BIRC6: variants seen among roughly 807,000 people sequenced by gnomAD.
BIRC6 encodes the protein dual E2 ubiquitin-conjugating enzyme/E3 ubiquitin-protein ligase BIRC6.
BIRC6 carries 98 observed loss-of-function variants against 503.3 expected under a neutral mutation model. That is an observed-to-expected ratio of 0.19 (90% CI 0.17 to 0.23). The LOEUF is 0.23. Ranked by LOEUF, BIRC6 falls within the 10% of genes least tolerant of loss-of-function variation. The pLI, the probability that BIRC6 is intolerant of heterozygous loss-of-function variation, is 1.00. For synonymous variants in BIRC6, 2,240 were observed against 2,078.7 expected, an observed-to-expected ratio of 1.08 and a Z score of -2.11; for missense variants, 5,360 against 5,806.0, an observed-to-expected ratio of 0.92 and a Z score of 2.50.
At chr2:32,448,737 T>C (rs2046366535) in intron 21 of BIRC6, 58 bp from the exon 22 acceptor site, 2 of 1,530,936 alleles carry the variant, frequency 1.3e-6, no homozygotes, top group Non-Finnish European at 1.8e-6. Flanking sequence ...TAAGTAAAGG[T>C]AATTTGTTAA....
intron 21 of BIRC6, among the ~76,000 whole-genome samples, chr2:32,447,358 T>A (rs1410930355): frequency 4.7e-5 from 6 of 127,046 alleles, no homozygotes; most frequent in African/African-American, 1.2e-4. Context: ...ACCTCCCGGA[T>A]GGGGCGGCTG....
intron 70 of BIRC6, among the ~76,000 whole-genome samples, chr2:32,601,869 G>A (rs543322302): frequency 5.3e-5 from 8 of 152,178 alleles, no homozygotes; most frequent in Non-Finnish European, 5.9e-5. Context: ...GTCTGTTTGC[G>A]TGAGGCTAGA....
chr2:32,588,211 C>T (rs562348574), intron 66 of BIRC6, among the ~76,000 whole-genome samples: 2 of 152,036 alleles, frequency 1.3e-5, no homozygotes, highest in African/African-American at 4.8e-5. Context: ...AAAATCTAGC[C>T]AGGCGTGGTG....
intron 9 of BIRC6, 24 bp from the exon 10 acceptor site, chr2:32,414,745 A>C: frequency 6.4e-7 from 1 of 1,573,012 alleles, no homozygotes; most frequent in Non-Finnish European, 8.7e-7. Flanking sequence ...AAACATATCT[A>C]ATGAATATTG....
Position 32,502,831 on chromosome 2 carries a change from T to G in BIRC6, c.9244T>G (p.Leu3082Val). The G allele has an allele frequency of 1.2e-6, 2 of 1,613,074 alleles. No individual in the cohort carries two copies. Among genetic ancestry groups the G allele is most frequent in the Non-Finnish European group, 1.7e-6 (2 of 1,179,570 alleles). Reference sequence around the variant, plus strand: ...TACTTGCCAGTTATCTGAGCCATTATTGTGGTTCATTTTGAGAGTATTGGA... The same window carrying G: ...TACTTGCCAGTTATCTGAGCCATTAGTGTGGTTCATTTTGAGAGTATTGGA... ...LATCQLSEPL[L>V]WFILRVLDTS... Residue 3082 changes from leucine (L) to valine (V), a missense_variant, in exon 48 of 74, where the codon TTG (leucine) becomes GTG (valine). Leu to Val is a conservative substitution (Grantham distance 32, BLOSUM62 1). Transcript: ENST00000421745.
At chr2:32,577,947 A>C (rs890459111) in intron 66 of BIRC6, among the ~76,000 whole-genome samples, 1 of 152,204 alleles carries the variant, frequency 6.6e-6, no homozygotes, top group Non-Finnish European at 1.5e-5. Context: ...AGTGTTCGTA[A>C]AGCTCATTTC....
intron 1 of BIRC6, among the ~76,000 whole-genome samples, chr2:32,360,914 A>G (rs1186773541): frequency 6.6e-6 from 1 of 151,574 alleles, no homozygotes; most frequent in Non-Finnish European, 1.5e-5. Flanking sequence ...GTGTATGTAT[A>G]TATTTATTTA....
At chr2:32,398,408 C>T (rs909879551) in intron 6 of BIRC6, among the ~76,000 whole-genome samples, 5 of 152,180 alleles carry the variant, frequency 3.3e-5, no homozygotes, top group African/African-American at 1.2e-4. Flanking sequence ...CAGTAACTTT[C>T]AGATATGTTA....
chr2:32,525,013 G>A lies in BIRC6; in HGVS notation c.11749G>A (p.Ala3917Thr). Residue 3917 changes from alanine (A) to threonine (T), a missense_variant, in exon 58 of 74, where the codon GCC (alanine) becomes ACC (threonine). This residue lies in a region of BIRC6 where 878 missense variants were observed against 928.9 expected (regional missense o/e 0.95). Transcript: ENST00000421745. ...TCAAGACAATTACAGTGTTGTTGTTGCCTCTGGTATGCTTTCTATTTTTTA... is the reference window on the plus strand; with the variant it reads ...TCAAGACAATTACAGTGTTGTTGTTACCTCTGGTATGCTTTCTATTTTTTA... The part of the protein sequence containing the change: ...GFQDNYSVVV[A>T]SGLKSQSKRA... 1 of 1,543,238 alleles carries A rather than the reference G, an allele frequency of 6.5e-7. No homozygotes were observed. Among genetic ancestry groups the A allele is most frequent in the Non-Finnish European group, 8.7e-7 (1 of 1,151,270 alleles).
At chr2:32,611,947 C>A (rs1377135582) in intron 73 of BIRC6, among the ~76,000 whole-genome samples, 1 of 152,182 alleles carries the variant, frequency 6.6e-6, no homozygotes, top group Non-Finnish European at 1.5e-5. Flanking sequence ...GGCATCATGA[C>A]TCTCTGTAAC....
At chr2:32,555,300 G>C (rs1195531521) in intron 65 of BIRC6, among the ~76,000 whole-genome samples, 1 of 151,988 alleles carries the variant, frequency 6.6e-6, no homozygotes, top group Non-Finnish European at 1.5e-5. Flanking sequence ...TTATGCCCAC[G>C]AGTTTGAGAT....
Position 32,501,796 on chromosome 2 carries a change from A to G in BIRC6, c.9115A>G (p.Ile3039Val), listed in dbSNP as rs1478947265. 2 of 1,613,892 alleles carry G rather than the reference A, an allele frequency of 1.2e-6. No individual in the cohort carries two copies. The highest frequency in any genetic ancestry group is 1.3e-5 in the African/African-American group (1 of 75,044). The stretch of plus-strand genomic sequence containing the variant: ...ATCAGTTGGGGATGGATTATTTACC[A>G]TACTGACAACCCTTAGTAAAAAAGC... ...AISVGDGLFT[I>V]LTTLSKKAST... Residue 3039 changes from isoleucine to valine, a missense_variant, in exon 47 of 74, where the codon ATA becomes GTA. Ile to Val is a conservative substitution (Grantham distance 29). Transcript: ENST00000421745.
At chr2:32,443,402 TA>T in intron 19 of BIRC6, 88 bp from the exon 20 acceptor site, 1 of 838,948 alleles carries the variant, frequency 1.2e-6, no homozygotes, top group Non-Finnish European at 1.8e-6. Context: ...GAATACATTT[TA>T]AAGATTTTTA....
chr2:32,536,890 T>C (rs1408407214), intron 61 of BIRC6, among the ~76,000 whole-genome samples: 2 of 152,184 alleles, frequency 1.3e-5, no homozygotes, highest in African/African-American at 2.4e-5. Flanking sequence ...TTCCTACCCA[T>C]GAGCATGGAA....
chr2:32,463,671 T>C (rs1034974970), intron 24 of BIRC6, among the ~76,000 whole-genome samples: 1 of 152,236 alleles, frequency 6.6e-6, no homozygotes, highest in African/African-American at 2.4e-5. Flanking sequence ...AGTTACTAGT[T>C]ACTATTTATA....
At chr2:32,482,341 A>T in intron 38 of BIRC6, 88 bp from the exon 39 acceptor site, 1 of 1,224,434 alleles carries the variant, frequency 8.2e-7, no homozygotes, top group Non-Finnish European at 1.1e-6. Flanking sequence ...TTTATTTTGT[A>T]GTTCTGTTTG....
chr2:32,479,456 A>C lies in BIRC6; in HGVS notation c.7253-6A>C. The C allele has an allele frequency of 1.3e-6, 2 of 1,592,730 alleles. No homozygotes were observed. Among genetic ancestry groups the C allele is most frequent in the South Asian group, 1.1e-5 (1 of 87,798 alleles). ...TATTAAAACAGGACTATCCCCTTAC[A>C]TACAGGAGAATTACTGGCTCCAGTA... On this transcript the variant is annotated splice_region_variant and splice_polypyrimidine_tract_variant and intron_variant, in intron 36 of 73. Transcript: ENST00000421745.
intron 65 of BIRC6, among the ~76,000 whole-genome samples, chr2:32,550,518 T>A (rs887330353): frequency 6.6e-6 from 1 of 152,142 alleles, no homozygotes. Context: ...GTCAAATGCA[T>A]AATTTTTTTT....
In BIRC6 at chr2:32,393,708, A is replaced by G. The variant is rs1049496219; in HGVS notation, c.951+1558A>G. On this transcript the variant is annotated intron_variant, in intron 5 of 73. Coordinates refer to ENST00000421745, the MANE Select transcript of BIRC6 (RefSeq NM_016252.4). ...CTAATTCTGTTTATTTTTTGTAGAG[A>G]TGAGATTTCACTGTGTTGCCCAGGC... is the stretch of plus-strand genomic sequence containing the variant. Among the ~76,000 whole-genome samples, 54 of 152,086 alleles carry G rather than the reference A, an allele frequency of 3.6e-4. 1 individual carries two copies. Among genetic ancestry groups the G allele is most frequent in the African/African-American group, 1.3e-3 (52 of 41,414 alleles).
Sources: allele counts gnomAD v4.1 joint callset (sites outside exome capture counted in the v4.1 genomes callset), GRCh38; gene constraint gnomAD v4.1.1; regional missense constraint gnomAD v4.1.1; transcripts MANE v1.5; gene names NCBI Gene and HGNC (gene_info 2026-07-23, HGNC 2026-07-21).